Variants in FCER1G observed in about 807,000 individuals in gnomAD.
FCER1G encodes high affinity immunoglobulin epsilon receptor subunit gamma.
Under a neutral mutation model 17.3 loss-of-function variants are expected in FCER1G, and 7 were observed. The ratio of observed to expected loss-of-function variants is 0.40; its 90% CI spans 0.23 to 0.76. The LOEUF is 0.76. FCER1G is among the 30% of genes least tolerant of loss of function. The pLI is 0.35. For missense variants in FCER1G, 87 were observed against 97.7 expected (o/e 0.89, Z 0.46); for synonymous variants, 35 against 38.7 (o/e 0.90, Z 0.35).
At chr1:161,218,638 G>A (rs1380758898) in intron 3 of FCER1G, 65 bp from the exon 4 acceptor site, 2 of 1,580,368 alleles carry the variant, frequency 1.3e-6, no homozygotes, top group Non-Finnish European at 1.7e-6. Flanking sequence ...CCTGGGTGGG[G>A]CAGATGCTGA....
At chr1:161,216,897 G>A (rs1217035925) in intron 1 of FCER1G, among the ~76,000 whole-genome samples, 1 of 152,190 alleles carries the variant, frequency 6.6e-6, no homozygotes, top group Non-Finnish European at 1.5e-5. Context: ...GCCGTGGGAT[G>A]AGGAGGGAGG....
At chr1:161,218,626 T>C in intron 3 of FCER1G, 77 bp from the exon 4 acceptor site, 1 of 1,525,492 alleles carries the variant, frequency 6.6e-7, no homozygotes, top group South Asian at 1.1e-5. Context: ...CCCCCATGCC[T>C]CCCTGGGTGG....
intron 1 of FCER1G, among the ~76,000 whole-genome samples, chr1:161,216,088 C>T (rs900048892): frequency 1.3e-5 from 2 of 151,984 alleles, no homozygotes; most frequent in Non-Finnish European, 2.9e-5. Context: ...TGGTGAAAAG[C>T]CTCATTTCTC....
chr1:161,217,839 G>T, intron 1 of FCER1G, 147 bp from the exon 2 acceptor site: 1 of 674,172 alleles, frequency 1.5e-6, no homozygotes, highest in East Asian at 2.5e-5. Context: ...TAAGGGCAGT[G>T]GAAGGCCAGA....
intron 1 of FCER1G, 142 bp downstream of exon 1, chr1:161,215,512 T>A: frequency 1.3e-6 from 1 of 757,396 alleles, no homozygotes; most frequent in Non-Finnish European, 2.4e-6. Flanking sequence ...GCTAGTCCTC[T>A]CCAGCCCCGA....
chr1:161,219,102 G>C lies in FCER1G; in HGVS notation c.*159G>C. The C allele has an allele frequency of 3.2e-6, 2 of 626,836 alleles. No homozygotes were observed. The highest frequency in any genetic ancestry group is 5.8e-6 in the Non-Finnish European group (2 of 345,418). The allele number at this position is 626,836 out of a possible 1,614,324, so 38.8% of individuals were successfully genotyped here. ...TATACACCAGTGGTTCCTCCTCCCT[G>C]TTAAAGACTAATGCTCAGATGCTGT... On this transcript the variant is annotated 3_prime_UTR_variant, in exon 5 of 5. Transcript: ENST00000289902.
intron 1 of FCER1G, among the ~76,000 whole-genome samples, chr1:161,216,640 G>C (rs1185207423): frequency 6.6e-6 from 1 of 152,124 alleles, no homozygotes; most frequent in Non-Finnish European, 1.5e-5. Context: ...GAGAAATAGA[G>C]GCAGAAATGG....
chr1:161,218,525 A>G (rs1464918613), intron 3 of FCER1G, among the ~76,000 whole-genome samples, 178 bp from the exon 4 acceptor site: 1 of 152,164 alleles, frequency 6.6e-6, no homozygotes, highest in Non-Finnish European at 1.5e-5. Flanking sequence ...TCGGGTGTAT[A>G]TGTGTGCTTG....
intron 1 of FCER1G, 26 bp downstream of exon 1, chr1:161,215,396 G>A (rs372924282): frequency 9.3e-6 from 15 of 1,607,070 alleles, no homozygotes; most frequent in East Asian, 2.2e-5. Flanking sequence ...GAGGGATAGC[G>A]TGAGCTGGCT....
chr1:161,218,562 T>C (rs1428239418), intron 3 of FCER1G, 141 bp from the exon 4 acceptor site: 2 of 807,330 alleles, frequency 2.5e-6, no homozygotes, highest in African/African-American at 1.7e-5. Context: ...CAGGTATCCA[T>C]GTCCCAGAGT....
chr1:161,218,565 C>A, intron 3 of FCER1G, 138 bp from the exon 4 acceptor site: 2 of 827,658 alleles, frequency 2.4e-6, no homozygotes, highest in Non-Finnish European at 4.2e-6. Context: ...GTATCCATGT[C>A]CCAGAGTGTC....
At chr1:161,216,377 T>TACACACACACACACACACACACAC (rs57711151) in intron 1 of FCER1G, among the ~76,000 whole-genome samples, 1 of 120,510 alleles carries the variant, frequency 8.3e-6, no homozygotes. Context: ...CACACACACA[T>TACACACACACACACACACACACAC]ACACACACAC....
intron 1 of FCER1G, 103 bp from the exon 2 acceptor site, chr1:161,217,883 C>T (rs1666080610): frequency 5.0e-6 from 4 of 803,000 alleles, no homozygotes; most frequent in East Asian, 2.4e-5. Flanking sequence ...GACGGCTCCC[C>T]TCCAGGCCCT....
chr1:161,218,133 A>G (rs1028131100), intron 2 of FCER1G, 56 bp downstream of exon 2: 2 of 1,538,314 alleles, frequency 1.3e-6, no homozygotes, highest in African/African-American at 2.7e-5. Context: ...GGAGGGCAGC[A>G]GCAAGGATTC....
chr1:161,218,162 G>A (rs1666086474), intron 2 of FCER1G, 79 bp from the exon 3 acceptor site: 1 of 1,531,848 alleles, frequency 6.5e-7, no homozygotes, highest in Non-Finnish European at 9.0e-7. Flanking sequence ...GGAATAAAAG[G>A]GGATCCTCCA....
Position 161,219,205 on chromosome 1 carries a change from ATGGGAAGGGAG to A in FCER1G, c.*263_*273del, listed in dbSNP as rs1666113893. On this transcript the variant is annotated 3_prime_UTR_variant, in exon 5 of 5. Coordinates refer to ENST00000289902, the MANE Select transcript of FCER1G (RefSeq NM_004106.2). ...CCCCATTCCCAACTCCAGCTAAAAT[ATGGGAAGGGAG>A]AACCCCCAATAAAACTGCCATGGAC... is the stretch of plus-strand genomic sequence containing the variant. 2 of 506,124 alleles carry A rather than the reference ATGGGAAGGGAG, an allele frequency of 4.0e-6. No homozygotes were observed. Among genetic ancestry groups the A allele is most frequent in the Admixed American group, 7.4e-5 (2 of 26,940 alleles). The allele number at this position is 506,124 out of a possible 1,614,324, so 31.4% of individuals were successfully genotyped here. A position where few individuals can be genotyped will look rare whatever the true frequency, so the allele number is the denominator to read the frequency against.
rs1666109618 is a variant in FCER1G, at chr1:161,219,034, C to T, written c.*91C>T. 1.1e-6 allele frequency: 1 copy of T among 922,716 alleles called. No individual in the cohort carries two copies. Among genetic ancestry groups the T allele is most frequent in the South Asian group, 1.4e-5 (1 of 74,050 alleles). The allele number at this position is 922,716 out of a possible 1,614,324, so 57.2% of individuals were successfully genotyped here. On this transcript the variant is annotated 3_prime_UTR_variant, in exon 5 of 5. Transcript: ENST00000289902. The stretch of plus-strand genomic sequence containing the variant: ...CACATATGCCTGCATGCCATTAACA[C>T]CAGCTGGCCCTACCCCTATAATGAT...
Position 161,218,700 on chromosome 1 carries a change from C to T in FCER1G, c.178-3C>T, listed in dbSNP as rs750123263. 2 of 1,613,870 alleles carry T rather than the reference C, an allele frequency of 1.2e-6. No individual in the cohort carries two copies. Among genetic ancestry groups the T allele is most frequent in the African/African-American group, 1.3e-5 (1 of 74,874 alleles). ...TAATGTTTTGCTTCTTTTGTCTCTG[C>T]AGAAATCAGATGGTGTTTACACGGT... On this transcript the variant is annotated splice_region_variant and splice_polypyrimidine_tract_variant and intron_variant, in intron 3 of 4. Coordinates refer to ENST00000289902, the MANE Select transcript of FCER1G (RefSeq NM_004106.2).
At chr1:161,215,749 C>T (rs759156881) in intron 1 of FCER1G, among the ~76,000 whole-genome samples, 28 of 152,040 alleles carry the variant, frequency 1.8e-4, no homozygotes, top group African/African-American at 5.6e-4. Flanking sequence ...CCCGCCACCA[C>T]GCCCGGCTAA....
Sources: allele counts gnomAD v4.1 joint callset (sites outside exome capture counted in the v4.1 genomes callset), GRCh38; gene constraint gnomAD v4.1.1; transcripts MANE v1.5; gene names NCBI Gene and HGNC (gene_info 2026-07-23, HGNC 2026-07-21).